Variants in TMED3 observed in about 807,000 individuals in gnomAD.
TMED3 encodes the protein transmembrane p24 trafficking protein 3.
In TMED3, 9 loss-of-function variants were observed where a neutral mutation model predicts 15.0. The observed-to-expected ratio is 0.60, with a 90% CI of 0.36 to 1.04. The LOEUF (loss-of-function observed/expected upper bound fraction) is 1.04. TMED3 is among the 50% of genes least tolerant of loss of function. The pLI, the probability that TMED3 is intolerant of heterozygous loss-of-function variation, is 0.01. For synonymous variants in TMED3, 117 were observed against 121.4 expected, an observed-to-expected ratio of 0.96 and a Z score of 0.24; for missense variants, 267 against 278.9, an observed-to-expected ratio of 0.96 and a Z score of 0.30.
At chr15:79,380,580 T>G (rs1341037081) in intron 2 of TMED3, among the ~76,000 whole-genome samples, 3 of 105,938 alleles carry the variant, frequency 2.8e-5, no homozygotes, top group Non-Finnish European at 5.8e-5. Context: ...TATATATAGT[T>G]TTATATATAT....
chr15:79,342,622 C>T (rs1257241230), intron 2 of TMED3, among the ~76,000 whole-genome samples: 2 of 152,116 alleles, frequency 1.3e-5, no homozygotes, highest in East Asian at 3.8e-4. Context: ...GTAAAGCATG[C>T]ACACAAACAC....
chr15:79,403,967 G>A (rs1223436550), intron 2 of TMED3, among the ~76,000 whole-genome samples: 3 of 152,186 alleles, frequency 2.0e-5, no homozygotes, highest in Non-Finnish European at 4.4e-5. Context: ...TTCTGCAGGT[G>A]TTGTCCCCAA....
At chr15:79,405,378 T>C (rs770613710) in intron 2 of TMED3, among the ~76,000 whole-genome samples, 11 of 152,178 alleles carry the variant, frequency 7.2e-5, no homozygotes, top group Non-Finnish European at 1.2e-4. Flanking sequence ...GAGCTCAATA[T>C]AAATTGGTGT....
intron 2 of TMED3, among the ~76,000 whole-genome samples, chr15:79,348,199 G>A (rs1252901349): frequency 1.3e-5 from 2 of 152,114 alleles, no homozygotes; most frequent in Admixed American, 6.6e-5. Flanking sequence ...GAAACTTGCC[G>A]GTTAAGTCAC....
rs146903985 is a variant in TMED3, at chr15:79,373,004, T to C, written c.418-38396T>C. Reference sequence around the variant, plus strand: ...ATTTTTTGATTTATCTGTATGGGATTCTCCAGAGCCTAGCTCACTGGTAGC... The same window carrying C: ...ATTTTTTGATTTATCTGTATGGGATCCTCCAGAGCCTAGCTCACTGGTAGC... On this transcript the variant is annotated intron_variant, in intron 2 of 2. Coordinates refer to the TMED3 transcript ENST00000424155. Among the ~76,000 whole-genome samples the C allele has an allele frequency of 4.8e-3, 732 of 152,314 alleles. 10 individuals carry two copies. The highest frequency in any genetic ancestry group is 0.017 in the African/African-American group (705 of 41,566).
intron 2 of TMED3, among the ~76,000 whole-genome samples, chr15:79,369,577 G>A (rs553833545): frequency 6.6e-6 from 1 of 152,318 alleles, no homozygotes; most frequent in African/African-American, 2.4e-5. Context: ...TCTGCAAGCG[G>A]TAAGCAACTA....
At chr15:79,405,771 T>C (rs1271458216) in intron 2 of TMED3, among the ~76,000 whole-genome samples, 1 of 152,220 alleles carries the variant, frequency 6.6e-6, no homozygotes, top group East Asian at 1.9e-4. Flanking sequence ...GCCATCATGA[T>C]GCTTTGTAAA....
chr15:79,323,023 G>A (rs904143386), downstream of TMED3: 3 of 469,366 alleles, frequency 6.4e-6, no homozygotes, highest in African/African-American at 6.3e-5. Context: ...AACAAAATAG[G>A]AAGTCTCCTC....
intron 2 of TMED3, among the ~76,000 whole-genome samples, chr15:79,396,351 C>T (rs1893763075): frequency 6.6e-6 from 1 of 152,210 alleles, no homozygotes; most frequent in South Asian, 2.1e-4. Context: ...CATGACTCCA[C>T]TATGTCTGGG....
At chr15:79,406,126 T>G (rs910683153) in intron 2 of TMED3, among the ~76,000 whole-genome samples, 1 of 152,146 alleles carries the variant, frequency 6.6e-6, no homozygotes, top group Non-Finnish European at 1.5e-5. Flanking sequence ...AATACAGAGA[T>G]GTGATGAGGA....
intron 2 of TMED3, among the ~76,000 whole-genome samples, chr15:79,321,641 C>T (rs772069012): frequency 2.6e-5 from 4 of 152,092 alleles, no homozygotes; most frequent in Non-Finnish European, 2.9e-5. Flanking sequence ...TGGGATAAGC[C>T]CTCGTTAACA....
At chr15:79,357,265 G>A (rs1459407273) in intron 2 of TMED3, among the ~76,000 whole-genome samples, 4 of 151,486 alleles carry the variant, frequency 2.6e-5, no homozygotes, top group Non-Finnish European at 5.9e-5. Flanking sequence ...TGGGAGGATC[G>A]CTTGATCCCA....
intron 2 of TMED3, 22 bp downstream of exon 2, chr15:79,314,027 G>C: frequency 6.2e-7 from 1 of 1,613,316 alleles, no homozygotes; most frequent in African/African-American, 1.3e-5. Flanking sequence ...TTAGCAGTTC[G>C]GGGCTGCTGA....
At chr15:79,349,321 G>A (rs1410016591) in intron 2 of TMED3, among the ~76,000 whole-genome samples, 1 of 152,100 alleles carries the variant, frequency 6.6e-6, no homozygotes, top group Non-Finnish European at 1.5e-5. Flanking sequence ...TGATAAAAAT[G>A]TAGAATGTTA....
chr15:79,338,248 AT>A (rs1287409952), intron 2 of TMED3, among the ~76,000 whole-genome samples: 2 of 152,178 alleles, frequency 1.3e-5, no homozygotes. Context: ...TCTGTGCAGT[AT>A]TTTTTTCTTT....
chr15:79,338,882 C>T (rs2058838165), intron 2 of TMED3, among the ~76,000 whole-genome samples: 1 of 152,156 alleles, frequency 6.6e-6, no homozygotes, highest in Non-Finnish European at 1.5e-5. Context: ...CAAGGAAAAA[C>T]ACCCACTACT....
At chr15:79,338,326 G>A (rs1161321006) in intron 2 of TMED3, among the ~76,000 whole-genome samples, 1 of 152,168 alleles carries the variant, frequency 6.6e-6, no homozygotes, top group Non-Finnish European at 1.5e-5. Flanking sequence ...ATATGTGGGT[G>A]TTTGTTATGT....
intron 2 of TMED3, among the ~76,000 whole-genome samples, chr15:79,359,982 C>A (rs1219531254): frequency 6.6e-6 from 1 of 152,112 alleles, no homozygotes; most frequent in Admixed American, 6.5e-5. Context: ...TAGTGTCTTG[C>A]CTGTACTTTA....
chr15:79,392,449 T>C (rs1893709175), intron 2 of TMED3, among the ~76,000 whole-genome samples: 1 of 152,194 alleles, frequency 6.6e-6, no homozygotes, highest in Admixed American at 6.5e-5. Flanking sequence ...CCTTCTAGCT[T>C]GTAGGGTTTC....
Sources: gnomAD v4.1 joint callset for allele counts (sites outside exome capture counted in the v4.1 genomes callset) on GRCh38, gnomAD v4.1.1 for gene constraint, MANE v1.5 for transcripts, NCBI Gene and HGNC (gene_info 2026-07-23, HGNC 2026-07-21) for gene names.